Variants in LRRTM4 observed in about 807,000 individuals in gnomAD.
LRRTM4 encodes leucine rich repeat transmembrane neuronal 4, also known as leucine-rich repeat transmembrane neuronal protein 4.
Under a neutral mutation model 47.6 loss-of-function variants are expected in LRRTM4, and 25 were observed. The ratio of observed to expected loss-of-function variants is 0.53; its 90% CI spans 0.38 to 0.73. The LOEUF (loss-of-function observed/expected upper bound fraction) is 0.73. Among genes scored for constraint, LRRTM4 ranks in the 30% least tolerant of loss-of-function variants. The pLI is 0.00. For missense variants in LRRTM4, 638 were observed against 713.4 expected (o/e 0.89, Z 1.20); for synonymous variants, 311 against 269.5 (o/e 1.15, Z -1.51).
intron 3 of LRRTM4, among the ~76,000 whole-genome samples, chr2:76,974,157 TATATATATATACATAC>T (rs1306981574): frequency 3.6e-5 from 3 of 82,244 alleles, no homozygotes; most frequent in African/African-American, 1.6e-4. Flanking sequence ...TATACATACA[TATATATATATACATAC>T]ATATATATAC....
chr2:77,429,233 G>A (rs1241518652), intron 3 of LRRTM4, among the ~76,000 whole-genome samples: 2 of 151,900 alleles, frequency 1.3e-5, no homozygotes, highest in East Asian at 3.9e-4. Context: ...CTCCAGATAC[G>A]GAATAATCGA....
intron 3 of LRRTM4, among the ~76,000 whole-genome samples, chr2:77,263,335 A>C (rs866879939): frequency 1.3e-5 from 2 of 152,090 alleles, no homozygotes; most frequent in Non-Finnish European, 2.9e-5. Context: ...TGTGGTTTTG[A>C]GTTCTGCAAG....
chr2:77,203,033 G>A (rs1264465831), intron 3 of LRRTM4, among the ~76,000 whole-genome samples: 1 of 151,916 alleles, frequency 6.6e-6, no homozygotes, highest in African/African-American at 2.4e-5. Context: ...TGATAATTAT[G>A]TGAATTTGAT....
intron 3 of LRRTM4, among the ~76,000 whole-genome samples, chr2:76,782,459 T>G (rs979046642): frequency 6.6e-6 from 1 of 152,328 alleles, no homozygotes; most frequent in African/African-American, 2.4e-5. Context: ...TAAACATGTT[T>G]TAAGCAAATA....
intron 3 of LRRTM4, among the ~76,000 whole-genome samples, chr2:76,845,567 C>T (rs937474419): frequency 1.3e-5 from 2 of 152,110 alleles, no homozygotes; most frequent in African/African-American, 4.8e-5. Flanking sequence ...GGGATGGGAC[C>T]TGGTCCTGTG....
intron 3 of LRRTM4, among the ~76,000 whole-genome samples, chr2:77,256,748 G>A (rs1675779809): frequency 6.6e-6 from 1 of 151,592 alleles, no homozygotes; most frequent in Non-Finnish European, 1.5e-5. Flanking sequence ...TCAGCAGAAT[G>A]AAAACAGACT....
Position 77,138,086 on chromosome 2 carries a change from G to A in LRRTM4, c.1551+380232C>T, listed in dbSNP as rs188905455. Among the ~76,000 whole-genome samples the A allele has an allele frequency of 1.5e-3, 228 of 152,206 alleles. 4 individuals carry two copies. Among genetic ancestry groups the A allele is most frequent in the Admixed American group, 0.013 (206 of 15,292 alleles). On this transcript the variant is annotated intron_variant, in intron 3 of 3. Transcript: ENST00000409884. The stretch of plus-strand genomic sequence containing the variant: ...ATCAATGAGACAGAAAGTTAACAAG[G>A]ATATCCAGGAATTGAATTCAGCTCT...
At chr2:76,759,622 C>A (rs1673180164) in intron 3 of LRRTM4, among the ~76,000 whole-genome samples, 1 of 151,876 alleles carries the variant, frequency 6.6e-6, no homozygotes, top group Non-Finnish European at 1.5e-5. Context: ...TTTTTTCCAG[C>A]TATTGTATAT....
chr2:76,811,490 T>C (rs1192865624), intron 3 of LRRTM4, among the ~76,000 whole-genome samples: 5 of 152,116 alleles, frequency 3.3e-5, no homozygotes, highest in Non-Finnish European at 7.4e-5. Context: ...AGCCAGACCA[T>C]CGCCTCTACT....
chr2:77,085,568 G>C (rs975554349), intron 3 of LRRTM4, among the ~76,000 whole-genome samples: 1 of 151,818 alleles, frequency 6.6e-6, no homozygotes, highest in Non-Finnish European at 1.5e-5. Context: ...TTGTATTCTA[G>C]GGAAAAAATA....
chr2:77,264,888 T>C (rs1676011700), intron 3 of LRRTM4, among the ~76,000 whole-genome samples: 1 of 152,144 alleles, frequency 6.6e-6, no homozygotes, highest in African/African-American at 2.4e-5. Context: ...TTCAAAATGC[T>C]GTTCACTGAA....
chr2:76,781,953 C>T (rs1674418686), intron 3 of LRRTM4, among the ~76,000 whole-genome samples: 1 of 152,190 alleles, frequency 6.6e-6, no homozygotes, highest in Non-Finnish European at 1.5e-5. Flanking sequence ...ATTATCTTGA[C>T]ATTTTTTTAA....
intron 3 of LRRTM4, among the ~76,000 whole-genome samples, chr2:76,970,219 G>A (rs966927002): frequency 7.9e-5 from 12 of 152,010 alleles, no homozygotes; most frequent in South Asian, 2.1e-4. Flanking sequence ...AGGGTAAAAC[G>A]GATAGAATAT....
At chr2:77,134,116 ATATATATG>A (rs1671871544) in intron 3 of LRRTM4, among the ~76,000 whole-genome samples, 1 of 152,116 alleles carries the variant, frequency 6.6e-6, no homozygotes, top group Admixed American at 6.6e-5. Context: ...TACATATATG[ATATATATG>A]TATATATTTC....
intron 3 of LRRTM4, among the ~76,000 whole-genome samples, chr2:76,812,729 TCTC>T (rs991106349): frequency 3.3e-4 from 40 of 121,382 alleles, no homozygotes; most frequent in South Asian, 1.1e-3. Flanking sequence ...TTTCTCTTTT[TCTC>T]CTCCTCCTCC....
intron 3 of LRRTM4, among the ~76,000 whole-genome samples, chr2:77,414,859 C>A (rs1674578732): frequency 6.6e-6 from 1 of 152,208 alleles, no homozygotes; most frequent in Admixed American, 6.5e-5. Flanking sequence ...AGCTTCCTGG[C>A]TGGAAAATCA....
intron 3 of LRRTM4, among the ~76,000 whole-genome samples, chr2:77,288,423 C>G (rs1676723322): frequency 6.6e-6 from 1 of 151,600 alleles, no homozygotes; most frequent in Non-Finnish European, 1.5e-5. Flanking sequence ...AGAACAATAT[C>G]TGAAAAGCTG....
intron 3 of LRRTM4, among the ~76,000 whole-genome samples, chr2:77,027,545 T>C (rs942912846): frequency 6.6e-6 from 1 of 152,116 alleles, no homozygotes; most frequent in Admixed American, 6.6e-5. Context: ...CCAATCAGTA[T>C]AGAAGCATTT....
chr2:77,514,413 A>C (rs1679133863), intron 3 of LRRTM4, among the ~76,000 whole-genome samples: 1 of 152,120 alleles, frequency 6.6e-6, no homozygotes, highest in African/African-American at 2.4e-5. Flanking sequence ...AACATAGTCC[A>C]TAAATAAAAG....
Sources: gnomAD v4.1 joint callset for allele counts (sites outside exome capture counted in the v4.1 genomes callset) on GRCh38, gnomAD v4.1.1 for gene constraint, MANE v1.5 for transcripts, NCBI Gene and HGNC (gene_info 2026-07-23, HGNC 2026-07-21) for gene names.